The following TBC1D9B variants were observed in gnomAD, a reference collection of about 807,000 sequenced individuals.
TBC1D9B encodes the protein TBC1 domain family member 9B.
TBC1D9B carries 87 observed loss-of-function variants against 121.1 expected under a neutral mutation model. The ratio of observed to expected loss-of-function variants is 0.72; its 90% confidence interval spans 0.60 to 0.86. The LOEUF is 0.86. Ranked by LOEUF, TBC1D9B falls within the 40% of genes least tolerant of loss-of-function variation. TBC1D9B has a pLI of 0.00. For synonymous variants in TBC1D9B, 668 were observed against 670.1 expected, an observed-to-expected ratio of 1.00 and a Z score of 0.05; for missense variants, 1,540 against 1,628.6, an observed-to-expected ratio of 0.95 and a Z score of 0.94.
chr5:179,873,919 AGCCACAGACTCCG>A (rs1760278947), intron 12 of TBC1D9B, among the ~76,000 whole-genome samples: 1 of 152,178 alleles, frequency 6.6e-6, no homozygotes, highest in Non-Finnish European at 1.5e-5. Context: ...CAGGAAAACC[AGCCACAGACTCCG>A]GCCACAGGCT....
intron 7 of TBC1D9B, among the ~76,000 whole-genome samples, chr5:179,887,514 A>G (rs1760723105): frequency 6.6e-6 from 1 of 152,278 alleles, no homozygotes. Flanking sequence ...TTGTGGAAGA[A>G]TAAACGAGAG....
intron 4 of TBC1D9B, 114 bp downstream of exon 4, chr5:179,894,272 T>C (rs1184737291): frequency 1.9e-5 from 19 of 994,884 alleles, no homozygotes; most frequent in Non-Finnish European, 2.8e-5. Context: ...TAAGGTGGCA[T>C]TTGGGTTTCA....
intron 7 of TBC1D9B, among the ~76,000 whole-genome samples, chr5:179,886,697 C>T (rs1416526274): frequency 2.6e-5 from 4 of 152,274 alleles, no homozygotes; most frequent in African/African-American, 9.6e-5. Context: ...CCAGCTCCCA[C>T]GCCCGCTGCC....
rs576854586 is a variant in TBC1D9B, at chr5:179,881,020, G to A, written c.1255-1231C>T. 7.2e-5 allele frequency among the ~76,000 whole-genome samples: 11 copies of A among 152,256 alleles called. No individual in the cohort carries two copies. In the South Asian group the frequency reaches 1.2e-3, roughly 17 times the overall value. On this transcript the variant is annotated intron_variant, in intron 7 of 20. Coordinates refer to ENST00000355235, the MANE Select transcript of TBC1D9B (RefSeq NM_015043.4). Reference sequence around the variant, plus strand: ...TCAGTGCCAGGGAAGGAGCCACACCGCCGGGTGTGTGGCGTGCAGCAGACG... The same window carrying A: ...TCAGTGCCAGGGAAGGAGCCACACCACCGGGTGTGTGGCGTGCAGCAGACG...
At chr5:179,872,863 C>T (rs747434185) in intron 14 of TBC1D9B, 29 bp downstream of exon 14, 4 of 1,573,800 alleles carry the variant, frequency 2.5e-6, no homozygotes, top group African/African-American at 2.8e-5. Context: ...CCCAGCCCAG[C>T]CCCTGCCCAG....
Position 179,867,934 on chromosome 5 carries a change from C to G in TBC1D9B, c.2792-85G>C, listed in dbSNP as rs1233128974. 3.8e-6 allele frequency: 5 copies of G among 1,326,720 alleles called. No individual in the cohort carries two copies. In the South Asian group the frequency reaches 7.5e-5, roughly 20 times the overall value. The allele number at this position is 1,326,720 out of a possible 1,614,324, so 82.2% of individuals were successfully genotyped here. ...AAGTTCCCTCCAGCCCTGGGCAGAG[C>G]CTTGCTTTCCCTGCCCACGAGCCTG... On this transcript the variant is annotated intron_variant, in intron 17 of 20. Coordinates refer to ENST00000355235, the MANE Select transcript of TBC1D9B (RefSeq NM_015043.4).
At chr5:179,867,375 C>T (rs1421595250) in intron 18 of TBC1D9B, 1 of 1,471,156 alleles carries the variant, frequency 6.8e-7, no homozygotes, top group South Asian at 1.3e-5. Context: ...CAAAGAGCTT[C>T]CAGGCTTCCT....
intron 3 of TBC1D9B, among the ~76,000 whole-genome samples, chr5:179,898,152 CTTT>C (rs60471704): frequency 2.9e-5 from 4 of 138,226 alleles, no homozygotes; most frequent in South Asian, 4.6e-4. Context: ...CCCATCTCTA[CTTT>C]TTTTTTTTTT....
chr5:179,869,300 C>G, intron 17 of TBC1D9B: 1 of 340,586 alleles, frequency 2.9e-6, no homozygotes, highest in East Asian at 7.6e-5. Context: ...CCTGCACAGA[C>G]AGCCTGTCGC....
intron 4 of TBC1D9B, among the ~76,000 whole-genome samples, chr5:179,893,892 C>G (rs1358391881): frequency 6.6e-6 from 1 of 152,150 alleles, no homozygotes; most frequent in Non-Finnish European, 1.5e-5. Context: ...CAGGAGGGGG[C>G]ACAGGGAGGC....
At position 179,879,717 on chromosome 5, in the gene TBC1D9B, A is replaced by C; in HGVS notation, c.1327T>G (p.Phe443Val). Residue 443 changes from phenylalanine to valine, a missense_variant, in exon 8 of 21, where the codon TTC (phenylalanine) becomes GTC (valine). Transcript: ENST00000355235. ...GCGGTTGGCGCCTCCTGCGCACAGA[A>C]GCTCTGGCGGCTGCTGAGGGGAGAG... ...PASPLSSRQS[F>V]CAQEAPTASQ... The C allele has an allele frequency of 1.9e-6, 3 of 1,614,142 alleles. No homozygotes were observed. Among genetic ancestry groups the C allele is most frequent in the Non-Finnish European group, 2.5e-6 (3 of 1,180,008 alleles).
At chr5:179,889,539 C>T (rs764648476) in intron 6 of TBC1D9B, among the ~76,000 whole-genome samples, 4 of 151,982 alleles carry the variant, frequency 2.6e-5, no homozygotes, top group Admixed American at 1.3e-4. Context: ...ACTGACATTT[C>T]GAATTTTGCT....
chr5:179,899,929 T>TA (rs1215028836), intron 2 of TBC1D9B, among the ~76,000 whole-genome samples: 4 of 151,594 alleles, frequency 2.6e-5, no homozygotes, highest in Non-Finnish European at 5.9e-5. Flanking sequence ...CAACGGAAAT[T>TA]AAAAAAAATG....
chr5:179,866,086 GCATTCCCTCA>G (rs1370130247), intron 18 of TBC1D9B, 198 bp from the exon 19 acceptor site: 2 of 588,810 alleles, frequency 3.4e-6, no homozygotes, highest in African/African-American at 3.8e-5. Flanking sequence ...AAGGGCCTGA[GCATTCCCTCA>G]CTTGGTCAGG....
intron 17 of TBC1D9B, 32 bp from the exon 18 acceptor site, chr5:179,867,881 G>GAGT: frequency 6.7e-7 from 1 of 1,503,630 alleles, no homozygotes; most frequent in Non-Finnish European, 8.9e-7. Context: ...AGTGAGGGCA[G>GAGT]GAGGAAACAA....
In TBC1D9B at chr5:179,890,133, A is replaced by G. The variant is rs1192106563; in HGVS notation, c.1044+1246T>C. ...CGGGTGGTTGGGAGTGAAATTCAAG[A>G]GTCCACTACACCCACAGCAGAGTGA... On this transcript the variant is annotated intron_variant, in intron 6 of 20. Transcript: ENST00000355235. The surrounding 1 kb of genome is among the most constrained non-coding windows in gnomAD (Gnocchi z 5.0). Among the ~76,000 whole-genome samples the G allele has an allele frequency of 6.6e-6, 1 of 152,208 alleles. No homozygotes were observed. Among genetic ancestry groups the G allele is most frequent in the East Asian group, 1.9e-4 (1 of 5,196 alleles).
chr5:179,887,729 C>T (rs775226994), intron 7 of TBC1D9B: 1 of 277,834 alleles, frequency 3.6e-6, no homozygotes, highest in South Asian at 4.3e-5. Context: ...GCAGTTCTAC[C>T]GTCAAGAACT....
chr5:179,865,990 G>T lies in TBC1D9B; in HGVS notation c.2864-102C>A. On this transcript the variant is annotated intron_variant, in intron 18 of 20. Transcript: ENST00000355235. The surrounding 1 kb of genome is among the most constrained non-coding windows in gnomAD (Gnocchi z 5.1). ...TGTAGTCTGTGTTTCTGTACAGCCA[G>T]CCCCAGGCCAGGCCCTGGGGAGCAG... 1.4e-6 allele frequency: 2 copies of T among 1,455,722 alleles called. No individual in the cohort carries two copies. The highest frequency in any genetic ancestry group is 1.9e-6 in the Non-Finnish European group (2 of 1,044,124). 90.2% of individuals were successfully genotyped at this position (1,455,722 alleles called of 1,614,324 possible).
intron 4 of TBC1D9B, 97 bp from the exon 5 acceptor site, chr5:179,893,564 C>T: frequency 6.8e-7 from 1 of 1,473,118 alleles, no homozygotes; most frequent in Admixed American, 2.2e-5. Context: ...GGGAACTGCT[C>T]TCTGGGGGCA....
Sources: gnomAD v4.1 joint callset for allele counts (sites outside exome capture counted in the v4.1 genomes callset) on GRCh38, gnomAD v4.1.1 for gene constraint, Gnocchi (gnomAD v3.1) non-coding constraint, MANE v1.5 for transcripts, NCBI Gene and HGNC (gene_info 2026-07-23, HGNC 2026-07-21) for gene names.